The following ARSB variants were observed in gnomAD, a reference collection of about 807,000 sequenced individuals.
ARSB encodes the protein N-acetylgalactosamine-4-sulfatase.
Under a neutral mutation model 50.9 loss-of-function variants are expected in ARSB, and 41 were observed. The ratio of observed to expected loss-of-function variants is 0.81; its 90% CI spans 0.63 to 1.04. The LOEUF is 1.04. Ranked by LOEUF, ARSB falls within the 50% of genes least tolerant of loss-of-function variation. The pLI is 0.00. For missense variants in ARSB, 672 were observed against 693.3 expected (o/e 0.97, Z 0.35); for synonymous variants, 269 against 284.8 (o/e 0.94, Z 0.56).
chr5:78,864,505 G>A (rs1191641793), intron 5 of ARSB, among the ~76,000 whole-genome samples: 2 of 152,106 alleles, frequency 1.3e-5, no homozygotes, highest in Admixed American at 1.3e-4. Flanking sequence ...AGAATTATGG[G>A]AGTACAGTTC....
intron 3 of ARSB, among the ~76,000 whole-genome samples, chr5:78,963,905 CA>C (rs1475336681): frequency 6.6e-6 from 1 of 152,080 alleles, no homozygotes; most frequent in Non-Finnish European, 1.5e-5. Flanking sequence ...TCTAGAATAG[CA>C]AAATATTCTT....
At chr5:78,839,313 G>A (rs191541634) in intron 6 of ARSB, 43 bp downstream of exon 6, 80 of 1,570,326 alleles carry the variant, frequency 5.1e-5, no homozygotes, top group Non-Finnish European at 6.8e-5. Context: ...CCATCTTGGT[G>A]GGCCAATTAG....
At chr5:78,901,417 A>G (rs1220331323) in intron 4 of ARSB, among the ~76,000 whole-genome samples, 1 of 152,200 alleles carries the variant, frequency 6.6e-6, no homozygotes, top group Non-Finnish European at 1.5e-5. Flanking sequence ...TATACTATCC[A>G]ATTTCAAGAA....
intron 4 of ARSB, among the ~76,000 whole-genome samples, 169 bp downstream of exon 4, chr5:78,955,125 TC>T (rs1418952456): frequency 2.0e-5 from 3 of 152,248 alleles, no homozygotes; most frequent in African/African-American, 7.2e-5. Context: ...AGCCCATCAT[TC>T]TTTTTCCTTA....
chr5:78,877,126 G>C (rs1291968643), intron 5 of ARSB, among the ~76,000 whole-genome samples: 1 of 152,062 alleles, frequency 6.6e-6, no homozygotes, highest in African/African-American at 2.4e-5. Context: ...CTACCTGTAA[G>C]GATTAAGGGG....
At position 78,868,348 on chromosome 5, in the gene ARSB, GAC is replaced by G. The variant is rs1200223150; in HGVS notation, c.1142+17234_1142+17235del. Among the ~76,000 whole-genome samples, 10 of 89,616 alleles carry G rather than the reference GAC, an allele frequency of 1.1e-4. No homozygotes were observed. In the South Asian group the frequency reaches 4.6e-3, roughly 41 times the overall value. 58.8% of individuals were successfully genotyped at this position (89,616 alleles called of 152,430 possible). On this transcript the variant is annotated intron_variant, in intron 5 of 7. Coordinates refer to ENST00000264914, the MANE Select transcript of ARSB (RefSeq NM_000046.5). Reference sequence around the variant, plus strand: ...TACTCCTCGAGAAGAGCAACTCCAAGACACATAATTGTCAGATTCACCAAAGT... The same window carrying G: ...TACTCCTCGAGAAGAGCAACTCCAAGACATAATTGTCAGATTCACCAAAGT...
chr5:78,860,301 G>T (rs1746370386), intron 5 of ARSB, among the ~76,000 whole-genome samples: 1 of 152,124 alleles, frequency 6.6e-6, no homozygotes, highest in Non-Finnish European at 1.5e-5. Flanking sequence ...ATGAATCTGG[G>T]TGCTCCTGTA....
chr5:78,878,563 G>GTT (rs35719104), intron 5 of ARSB, among the ~76,000 whole-genome samples: 227 of 147,334 alleles, frequency 1.5e-3, no homozygotes, highest in East Asian at 2.0e-3. Flanking sequence ...CATTTTATGT[G>GTT]TTTTTTTTTT....
chr5:78,985,385 C>T (rs1753143392), upstream of ARSB: 1 of 882,846 alleles, frequency 1.1e-6, no homozygotes, highest in East Asian at 3.8e-5. Flanking sequence ...GCTTGCGAGG[C>T]CGGGCGCTCG....
chr5:78,778,165 C>G lies in ARSB; in HGVS notation c.*2232G>C, dbSNP rs1351461448. The G allele has an allele frequency of 1.3e-5, 2 of 152,168 alleles. No homozygotes were observed. The highest frequency in any genetic ancestry group is 2.9e-5 in the Non-Finnish European group (2 of 68,046). The allele number at this position is 152,168 out of a possible 1,614,324, so 9.4% of individuals were successfully genotyped here. A position where few individuals can be genotyped will look rare whatever the true frequency, so the allele number is the denominator to read the frequency against. ...CTCCAACGGCTACCTACACCCAGCC[C>G]TGGGATTCGGAGGATGCAGAAGGAA... On this transcript the variant is annotated 3_prime_UTR_variant, in exon 8 of 8. Transcript: ENST00000264914.
chr5:78,845,373 A>G (rs1338483346), intron 5 of ARSB, among the ~76,000 whole-genome samples: 1 of 152,012 alleles, frequency 6.6e-6, no homozygotes, highest in Non-Finnish European at 1.5e-5. Context: ...TACTGATTTC[A>G]TTTCCTTTGC....
intron 4 of ARSB, among the ~76,000 whole-genome samples, chr5:78,934,318 G>A (rs1472669409): frequency 6.6e-6 from 1 of 152,046 alleles, no homozygotes; most frequent in African/African-American, 2.4e-5. Context: ...TAAGCATTCT[G>A]GATGTCATTT....
intron 5 of ARSB, among the ~76,000 whole-genome samples, chr5:78,870,928 C>T (rs1252516528): frequency 6.6e-6 from 1 of 152,144 alleles, no homozygotes; most frequent in Non-Finnish European, 1.5e-5. Flanking sequence ...ATTGTCTCAG[C>T]CCCAAATCTC....
At chr5:78,871,636 C>T (rs1428058408) in intron 5 of ARSB, among the ~76,000 whole-genome samples, 2 of 142,234 alleles carry the variant, frequency 1.4e-5, no homozygotes, top group Non-Finnish European at 3.1e-5. Context: ...AAACTGGATC[C>T]CTTCCTTACA....
intron 3 of ARSB, among the ~76,000 whole-genome samples, chr5:78,962,125 C>G (rs1016462276): frequency 6.6e-6 from 1 of 152,130 alleles, no homozygotes; most frequent in Non-Finnish European, 1.5e-5. Context: ...CTGATTCTGA[C>G]TCTCAATAGC....
intron 6 of ARSB, among the ~76,000 whole-genome samples, chr5:78,807,273 T>C (rs763550944): frequency 6.6e-5 from 10 of 152,226 alleles, no homozygotes; most frequent in Non-Finnish European, 1.0e-4. Flanking sequence ...ACATTTTATG[T>C]TCCCAGTTGG....
At chr5:78,915,227 C>A (rs1260361425) in intron 4 of ARSB, among the ~76,000 whole-genome samples, 1 of 152,044 alleles carries the variant, frequency 6.6e-6, no homozygotes, top group Non-Finnish European at 1.5e-5. Context: ...AATTACTTGA[C>A]CAAGAACTAC....
chr5:78,898,254 A>G (rs2112261322), intron 4 of ARSB, among the ~76,000 whole-genome samples: 1 of 152,348 alleles, frequency 6.6e-6, no homozygotes, highest in Admixed American at 6.5e-5. Flanking sequence ...CGACAGAGTG[A>G]GGCTCTGTCT....
At chr5:78,928,689 A>G (rs1750178548) in intron 4 of ARSB, among the ~76,000 whole-genome samples, 2 of 152,260 alleles carry the variant, frequency 1.3e-5, no homozygotes, top group African/African-American at 4.8e-5. Flanking sequence ...CCATCGAAGA[A>G]TCAAAAGAAA....
Sources: allele counts gnomAD v4.1 joint callset (sites outside exome capture counted in the v4.1 genomes callset), GRCh38; gene constraint gnomAD v4.1.1; transcripts MANE v1.5; gene names NCBI Gene and HGNC (gene_info 2026-07-23, HGNC 2026-07-21).